ABCC8: variants seen among roughly 807,000 people sequenced by gnomAD.
ABCC8 encodes the protein ATP-binding cassette sub-family C member 8.
Under a neutral mutation model 188.0 loss-of-function variants are expected in ABCC8, and 137 were observed. That is an observed-to-expected ratio of 0.73 (90% confidence interval 0.63 to 0.84). The LOEUF (loss-of-function observed/expected upper bound fraction) is 0.84, where lower values mean the gene tolerates loss of function less well. Among genes scored for constraint, ABCC8 ranks in the 40% least tolerant of loss-of-function variants. The pLI is 0.00. For synonymous variants in ABCC8, 797 were observed against 846.5 expected (o/e 0.94, Z 1.01); for missense variants, 1,750 against 2,072.7 (o/e 0.84, Z 3.02).
chr11:17,456,614 C>T (rs554964035), intron 6 of ABCC8, among the ~76,000 whole-genome samples: 1 of 152,304 alleles, frequency 6.6e-6, no homozygotes, highest in African/African-American at 2.4e-5. Flanking sequence ...CAGAGACCAA[C>T]ACACCTACCC....
At position 17,413,381 on chromosome 11, in the gene ABCC8, G is replaced by A; in HGVS notation, c.2475+13C>T. On this transcript the variant is annotated intron_variant, in intron 20 of 38. Coordinates refer to ENST00000389817, the MANE Select transcript of ABCC8 (RefSeq NM_000352.6). ...CCTGGCTTTGAAAAAACCCCTCAGAGGCTGCTACTAACCCGTTCCCCAATC... is the reference window on the plus strand; with the variant it reads ...CCTGGCTTTGAAAAAACCCCTCAGAAGCTGCTACTAACCCGTTCCCCAATC... 6.2e-7 allele frequency: 1 copy of A among 1,614,194 alleles called. No homozygotes were observed. The highest frequency in any genetic ancestry group is 1.3e-5 in the African/African-American group (1 of 75,048).
Position 17,399,047 on chromosome 11 carries a change from T to A in ABCC8, c.3651-606A>T, listed in dbSNP as rs539567464. The A allele has an allele frequency of 1.3e-3, 202 of 160,226 alleles. 1 individual carries two copies. The highest frequency in any genetic ancestry group is 4.7e-3 in the African/African-American group (195 of 41,558). The allele number at this position is 160,226 out of a possible 1,614,324, so 9.9% of individuals were successfully genotyped here. A position where few individuals can be genotyped will look rare whatever the true frequency, so the allele number is the denominator to read the frequency against. On this transcript the variant is annotated intron_variant, in intron 29 of 38. Transcript: ENST00000389817. ...ACTTTGGGAGGCTGAGGCGGGCGGATCACCTGAGGTCAAGAGTTCAAGACC... is the reference window on the plus strand; with the variant it reads ...ACTTTGGGAGGCTGAGGCGGGCGGAACACCTGAGGTCAAGAGTTCAAGACC...
chr11:17,460,584 G>A lies in ABCC8; in HGVS notation c.915C>T (p.Phe305=). 1 of 1,613,812 alleles carries A rather than the reference G, an allele frequency of 6.2e-7. No homozygotes were observed. The part of the protein sequence containing the change: ...FGRRLVLSST[F]RILADLLGFA... ...AGCCCAGCAGGTCGGCCAAGATGCGGAAAGTGCTGCTGAGGACCAGGCGCC... is the reference window on the plus strand; with the variant it reads ...AGCCCAGCAGGTCGGCCAAGATGCGAAAAGTGCTGCTGAGGACCAGGCGCC... The change falls in exon 6 of 39, where the codon TTC becomes TTT. Residue 305 remains phenylalanine, a synonymous_variant. Transcript: ENST00000389817.
chr11:17,398,532 C>A (rs1954063733), intron 29 of ABCC8, 91 bp from the exon 30 acceptor site: 18 of 1,574,932 alleles, frequency 1.1e-5, no homozygotes, highest in Non-Finnish European at 1.6e-5. Flanking sequence ...GCTCCAGGGC[C>A]CCTCCAGTCC....
Position 17,407,417 on chromosome 11 carries a change from G to A in ABCC8, c.2857C>T (p.Gln953Ter), listed in dbSNP as rs541269678. Residue 953 changes from glutamine (Q) to a stop codon, truncating the protein, a stop_gained, in exon 24 of 39, where the codon CAG (glutamine) becomes TAG (stop). Coordinates refer to ENST00000389817, the MANE Select transcript of ABCC8 (RefSeq NM_000352.6). LOFTEE classifies it high-confidence loss of function. ...VTERKATEPP[Q>*]GLSRAMSSRD... ...GAGGACATGGCACGAGATAGGCCCT[G>A]GGGTGGCTCTGTGGCTTTTCTCTCT... 7.4e-6 allele frequency: 12 copies of A among 1,614,068 alleles called. No individual in the cohort carries two copies. Among genetic ancestry groups the A allele is most frequent in the Non-Finnish European group, 1.0e-5 (12 of 1,180,054 alleles).
At chr11:17,435,596 G>A in intron 10 of ABCC8, 3 of 1,378,584 alleles carry the variant, frequency 2.2e-6, no homozygotes, top group Non-Finnish European at 2.1e-6. Flanking sequence ...TTCCCAGGCT[G>A]GAGATAAAAG....
rs1034247223 is a variant in ABCC8, at chr11:17,427,595, C to A, written c.2116+272G>T. On this transcript the variant is annotated intron_variant, in intron 15 of 38. Transcript: ENST00000389817. The surrounding 1 kb of genome is among the most constrained non-coding windows in gnomAD (Gnocchi z 5.0). ...ACTTCCACTTGCGTTCCTTGGCTAC[C>A]CACTTCTGATCTTTTTGTGCATTAC... Among the ~76,000 whole-genome samples the A allele has an allele frequency of 6.6e-6, 1 of 152,132 alleles. No individual in the cohort carries two copies. The highest frequency in any genetic ancestry group is 1.5e-5 in the Non-Finnish European group (1 of 68,034).
intron 10 of ABCC8, among the ~76,000 whole-genome samples, 194 bp downstream of exon 10, chr11:17,442,526 T>C (rs537706908): frequency 3.3e-5 from 5 of 152,330 alleles, no homozygotes; most frequent in South Asian, 4.1e-4. Context: ...TGCATGTTTG[T>C]TGGATAAATG....
intron 12 of ABCC8, chr11:17,428,967 G>C (rs905626174): frequency 2.0e-6 from 1 of 500,758 alleles, no homozygotes; most frequent in African/African-American, 1.9e-5. Flanking sequence ...AAGGATGGTT[G>C]GTGTTGGATT....
chr11:17,432,449 G>A, intron 10 of ABCC8: 1 of 1,105,232 alleles, frequency 9.0e-7, no homozygotes, highest in Non-Finnish European at 1.3e-6. Flanking sequence ...AGGTACCCCG[G>A]CCCCCGACTC....
intron 6 of ABCC8, among the ~76,000 whole-genome samples, chr11:17,458,285 G>T (rs534299263): frequency 6.6e-6 from 1 of 152,344 alleles, no homozygotes; most frequent in Non-Finnish European, 1.5e-5. Context: ...CTAAGTAACT[G>T]GGACAAGAGC....
At chr11:17,405,651 G>A (rs1954481083) in intron 26 of ABCC8, 88 bp from the exon 27 acceptor site, 1 of 1,603,830 alleles carries the variant, frequency 6.2e-7, no homozygotes, top group Non-Finnish European at 8.5e-7. Context: ...TTTCATGTAA[G>A]TGTCTCTGGA....
Position 17,461,715 on chromosome 11 carries a change from G to C in ABCC8, c.690C>G (p.Tyr230Ter). Reference protein sequence around the residue: ...PFVNLLSKGTYWWMNAFIKTA... With the variant: ...PFVNLLSKGT ...TCTTGATGAAGGCGTTCATCCACCAGTAGGTGCCTTTGGACAGCAGATTCA... is the reference window on the plus strand; with the variant it reads ...TCTTGATGAAGGCGTTCATCCACCACTAGGTGCCTTTGGACAGCAGATTCA... The change falls in exon 5 of 39, where the codon TAC becomes TAG. Residue 230 changes from tyrosine (Y) to a stop codon, truncating the protein, a stop_gained. Transcript: ENST00000389817. LOFTEE classifies it high-confidence loss of function. 1 of 1,614,202 alleles carries C rather than the reference G, an allele frequency of 6.2e-7. No individual in the cohort carries two copies. The highest frequency in any genetic ancestry group is 8.5e-7 in the Non-Finnish European group (1 of 1,180,032).
At chr11:17,411,469 C>T (rs866385144) in intron 21 of ABCC8, among the ~76,000 whole-genome samples, 4 of 152,210 alleles carry the variant, frequency 2.6e-5, no homozygotes, top group African/African-American at 7.2e-5. Context: ...GTAACGGAGA[C>T]TGAATCTTCC....
At chr11:17,428,257 T>C (rs1422611140) in intron 14 of ABCC8, 32 bp downstream of exon 14, 4 of 1,613,762 alleles carry the variant, frequency 2.5e-6, no homozygotes, top group Non-Finnish European at 1.7e-6. Flanking sequence ...GAGTTGGTGC[T>C]GGGTGGCCAG....
Position 17,476,837 on chromosome 11 carries a change from C to A in ABCC8, c.-61G>T, listed in dbSNP as rs767078109. The A allele has an allele frequency of 2.8e-6, 4 of 1,432,618 alleles. No individual in the cohort carries two copies. In the Admixed American group the frequency reaches 8.2e-5, roughly 30 times the overall value. The allele number at this position is 1,432,618 out of a possible 1,614,324, so 88.7% of individuals were successfully genotyped here. On this transcript the variant is annotated 5_prime_UTR_variant, in exon 1 of 39. Transcript: ENST00000389817. Reference sequence around the variant, plus strand: ...GGCTCCGCTGGCTCCGCGCGCCTGCCGCGCCTCTGTCCCTTGCAGCTCCGC... The same window carrying A: ...GGCTCCGCTGGCTCCGCGCGCCTGCAGCGCCTCTGTCCCTTGCAGCTCCGC...
At position 17,406,617 on chromosome 11, in the gene ABCC8, G is replaced by T; in HGVS notation, c.3329+5C>A. 6.2e-7 allele frequency: 1 copy of T among 1,612,300 alleles called. No homozygotes were observed. The highest frequency in any genetic ancestry group is 8.5e-7 in the Non-Finnish European group (1 of 1,178,598). On this transcript the variant is annotated splice_donor_5th_base_variant and intron_variant, in intron 26 of 38. Transcript: ENST00000389817. ...AGTCCCAGCCTGGCCAGGGGAGACG[G>T]GTACCTCATGGGGGCTAGGATGATC...
intron 29 of ABCC8, among the ~76,000 whole-genome samples, chr11:17,400,650 G>GA (rs1490544604): frequency 6.6e-6 from 1 of 152,158 alleles, no homozygotes; most frequent in Non-Finnish European, 1.5e-5. Context: ...ACTCTTTTGG[G>GA]AAAAAATAAG....
chr11:17,452,628 C>T, intron 7 of ABCC8, among the ~76,000 whole-genome samples: 1 of 152,318 alleles, frequency 6.6e-6, no homozygotes, highest in Non-Finnish European at 1.5e-5. Flanking sequence ...TGATGTGTGG[C>T]TCAGTTCCTA....
Sources: allele counts gnomAD v4.1 joint callset (sites outside exome capture counted in the v4.1 genomes callset), GRCh38; gene constraint gnomAD v4.1.1; non-coding constraint Gnocchi (gnomAD v3.1); transcripts MANE v1.5; gene names NCBI Gene and HGNC (gene_info 2026-07-23, HGNC 2026-07-21).